The following PCDH11X variants were observed in gnomAD, a reference collection of about 807,000 sequenced individuals.
The protein encoded by PCDH11X is protocadherin-11 X-linked.
Under a neutral mutation model 53.3 loss-of-function variants are expected in PCDH11X, and 18 were observed. The observed-to-expected ratio is 0.34, with a 90% CI of 0.23 to 0.50. The LOEUF is 0.50. Ranked by LOEUF, PCDH11X falls within the 20% of genes least tolerant of loss-of-function variation. The pLI, the probability that PCDH11X is intolerant of heterozygous loss-of-function variation, is 0.98. For missense variants in PCDH11X, 570 were observed against 1,032.4 expected (o/e 0.55, Z 6.14); for synonymous variants, 279 against 393.3 (o/e 0.71, Z 3.44).
chrX:92,350,768 G>A (rs12849079), intron 8 of PCDH11X, among the ~76,000 whole-genome samples: 1 of 111,445 alleles, frequency 9.0e-6, no homozygotes, highest in Admixed American at 9.6e-5. Context: ...TAGTTCTGCC[G>A]TCTATCTACC....
intron 8 of PCDH11X, among the ~76,000 whole-genome samples, chrX:92,348,329 G>A (rs1407048458): frequency 1.8e-5 from 2 of 110,205 alleles, no homozygotes; most frequent in Admixed American, 9.7e-5. Flanking sequence ...CAAAGGCTGT[G>A]TTAAAGTAGT....
rs1260512423 is a variant in PCDH11X, at chrX:92,375,142, T to TTATATA, written c.3145-12573_3145-12568dup. Among the ~76,000 whole-genome samples, 49 of 12,973 alleles carry TTATATA rather than the reference T, an allele frequency of 3.8e-3. 1 individual carries two copies. The highest frequency in any genetic ancestry group is 4.8e-3 in the African/African-American group (22 of 4,587). The allele number at this position is 12,973 out of a possible 115,157, so 11.3% of individuals were successfully genotyped here. On this transcript the variant is annotated intron_variant, in intron 8 of 10. Coordinates refer to ENST00000682573, the MANE Select transcript of PCDH11X (RefSeq NM_032968.5). ...CTTACTTTTTAATCATTCCATTCAT[T>TTATATA]TATATATATATATATATATATATAT...
chrX:91,825,427 G>A (rs1936882491), intron 4 of PCDH11X, among the ~76,000 whole-genome samples: 1 of 111,846 alleles, frequency 8.9e-6, no homozygotes, highest in Admixed American at 9.4e-5. Context: ...GGGTGGGATT[G>A]ACCCGATTTT....
chrX:92,562,746 G>A (rs925338603), intron 10 of PCDH11X, among the ~76,000 whole-genome samples: 1 of 110,215 alleles, frequency 9.1e-6, no homozygotes, highest in African/African-American at 3.3e-5. Context: ...AGATCTCCAA[G>A]CCAGGGGCAC....
chrX:92,313,881 G>A (rs1009709967), intron 8 of PCDH11X, among the ~76,000 whole-genome samples: 2 of 111,244 alleles, frequency 1.8e-5, no homozygotes, highest in African/African-American at 6.5e-5. Flanking sequence ...CACTCATATA[G>A]GGCAATTACC....
At chrX:92,316,014 A>ATTAT (rs1556358785) in intron 8 of PCDH11X, among the ~76,000 whole-genome samples, 1 of 62,989 alleles carries the variant, frequency 1.6e-5, no homozygotes, top group Admixed American at 2.1e-4. Context: ...CAACATGAAT[A>ATTAT]TTACATTAAT....
At chrX:92,105,629 G>A (rs1188102241) in intron 6 of PCDH11X, among the ~76,000 whole-genome samples, 1 of 107,316 alleles carries the variant, frequency 9.3e-6, no homozygotes, top group African/African-American at 3.4e-5. Flanking sequence ...CTGGCGGGTA[G>A]GAGTGGGGGT....
chrX:92,127,782 A>G lies in PCDH11X; in HGVS notation c.3034-73593A>G, dbSNP rs1207556570. On this transcript the variant is annotated intron_variant, in intron 6 of 10. Coordinates refer to ENST00000682573, the MANE Select transcript of PCDH11X (RefSeq NM_032968.5). ...ATGATCTGCCCACCTCAGCCTCCCA[A>G]AGTGCTGTGATTACAGGCATAAGCC... Among the ~76,000 whole-genome samples, 3 of 110,389 alleles carry G rather than the reference A, an allele frequency of 2.7e-5. No homozygotes were observed. The East Asian group carries it at 8.6e-4, about 32-fold the overall frequency.
chrX:92,312,214 C>T (rs1396776013), intron 8 of PCDH11X, among the ~76,000 whole-genome samples: 1 of 110,891 alleles, frequency 9.0e-6, no homozygotes, highest in Non-Finnish European at 1.9e-5. Context: ...ATTTTTCTTT[C>T]ACAAAACATA....
At chrX:91,810,626 A>G (rs1339465967) in intron 3 of PCDH11X, 48 bp downstream of exon 3, 1 of 111,968 alleles carries the variant, frequency 8.9e-6, no homozygotes, top group Non-Finnish European at 1.9e-5. Context: ...AAATTGCCGC[A>G]TAAGAGAGTA....
At chrX:92,448,377 T>C (rs1225387330) in intron 9 of PCDH11X, among the ~76,000 whole-genome samples, 1 of 84,737 alleles carries the variant, frequency 1.2e-5, no homozygotes, top group Non-Finnish European at 2.3e-5. Context: ...ATTATGGGGG[T>C]GGGTCTTTCC....
chrX:91,884,278 CCTTT>C (rs1940097181), intron 6 of PCDH11X, among the ~76,000 whole-genome samples: 1 of 107,361 alleles, frequency 9.3e-6, no homozygotes. Flanking sequence ...AGAAAGAGGT[CCTTT>C]CTATTTTTAT....
chrX:92,462,511 C>A lies in PCDH11X; in HGVS notation c.3344-5788C>A, dbSNP rs1013449373. ...AAATGTTTGAGAGCTAAAATTGTTTCAAACATTTTGGATAGCTTAAAGGCA... is the reference window on the plus strand; with the variant it reads ...AAATGTTTGAGAGCTAAAATTGTTTAAAACATTTTGGATAGCTTAAAGGCA... On this transcript the variant is annotated intron_variant, in intron 9 of 10. Coordinates refer to ENST00000682573, the MANE Select transcript of PCDH11X (RefSeq NM_032968.5). Among the ~76,000 whole-genome samples, 9 of 111,020 alleles carry A rather than the reference C, an allele frequency of 8.1e-5. No individual in the cohort carries two copies. The Admixed American group carries it at 8.6e-4, about 11-fold the overall frequency.
chrX:91,817,586 G>A (rs1368098923), intron 4 of PCDH11X, among the ~76,000 whole-genome samples: 1 of 111,173 alleles, frequency 9.0e-6, no homozygotes, highest in Non-Finnish European at 1.9e-5. Flanking sequence ...GCTGTCCAGT[G>A]CTTAAGTCCT....
chrX:92,252,018 A>C (rs1312798420), intron 7 of PCDH11X, among the ~76,000 whole-genome samples: 2 of 111,592 alleles, frequency 1.8e-5, no homozygotes, highest in Non-Finnish European at 3.8e-5. Context: ...GTTCTTTTAA[A>C]GAGGTCATTT....
At chrX:92,481,607 C>A (rs959913082) in intron 10 of PCDH11X, among the ~76,000 whole-genome samples, 31 of 110,648 alleles carry the variant, frequency 2.8e-4, no homozygotes, top group Non-Finnish European at 5.5e-4. Flanking sequence ...CCAAGGGGTG[C>A]GCAGGTTGGA....
chrX:92,279,183 A>C (rs916236933), intron 8 of PCDH11X, among the ~76,000 whole-genome samples: 5 of 111,848 alleles, frequency 4.5e-5, no homozygotes, highest in Non-Finnish European at 9.4e-5. Context: ...CCTTCCCACT[A>C]TATTTGATTC....
chrX:92,483,840 C>T (rs957306556), intron 10 of PCDH11X, among the ~76,000 whole-genome samples: 15 of 109,665 alleles, frequency 1.4e-4, no homozygotes, highest in African/African-American at 5.0e-4. Context: ...AGTTTAATGA[C>T]GCCATTCATT....
intron 8 of PCDH11X, among the ~76,000 whole-genome samples, chrX:92,379,166 G>A (rs1275296150): frequency 3.6e-5 from 4 of 112,651 alleles, no homozygotes; most frequent in Non-Finnish European, 7.5e-5. Context: ...CAGTTGCAGG[G>A]GCCCAGCTGG....
Sources: allele counts gnomAD v4.1 joint callset (sites outside exome capture counted in the v4.1 genomes callset), GRCh38; gene constraint gnomAD v4.1.1; transcripts MANE v1.5; gene names NCBI Gene and HGNC (gene_info 2026-07-23, HGNC 2026-07-21).